TRAPPC11: variants seen among roughly 807,000 people sequenced by gnomAD.
TRAPPC11 encodes the protein trafficking protein particle complex subunit 11.
Under a neutral mutation model 151.2 loss-of-function variants are expected in TRAPPC11, and 104 were observed. The observed-to-expected ratio is 0.69, with a 90% CI of 0.59 to 0.81. TRAPPC11 has a LOEUF of 0.81. Among genes scored for constraint, TRAPPC11 ranks in the 30% least tolerant of loss-of-function variants. TRAPPC11 has a pLI of 0.00. For synonymous variants in TRAPPC11, 456 were observed against 472.3 expected (o/e 0.97, Z 0.45); for missense variants, 1,230 against 1,349.6 (o/e 0.91, Z 1.39).
intron 4 of TRAPPC11, among the ~76,000 whole-genome samples, chr4:183,667,679 G>A (rs1371941659): frequency 1.3e-5 from 2 of 152,140 alleles, no homozygotes; most frequent in African/African-American, 4.8e-5. Context: ...ATCCAAAATG[G>A]TTTTGGAGAC....
chr4:183,708,993 G>GTT (rs112787416), intron 29 of TRAPPC11, among the ~76,000 whole-genome samples: 42,176 of 149,348 alleles, frequency 0.28, 6,554 homozygotes, highest in African/African-American at 0.43. Flanking sequence ...CTGATTTAAT[G>GTT]TTTTTTTTTT....
rs1011600437 is a variant in TRAPPC11 at position 183,713,312 on chromosome 4, G to C, written c.*668G>C. The C allele has an allele frequency of 2.6e-5, 4 of 152,486 alleles. No individual in the cohort carries two copies. Among genetic ancestry groups the C allele is most frequent in the Non-Finnish European group, 5.9e-5 (4 of 68,050 alleles). 9.4% of individuals were successfully genotyped at this position (152,486 alleles called of 1,614,324 possible). On this transcript the variant is annotated 3_prime_UTR_variant, in exon 30 of 30. Coordinates refer to ENST00000334690, the MANE Select transcript of TRAPPC11 (RefSeq NM_021942.6). Reference sequence around the variant, plus strand: ...AAATCCTCATCGGAAAAGATCCAAAGTGCAAGGATTTGATTATAAACATAA... The same window carrying C: ...AAATCCTCATCGGAAAAGATCCAAACTGCAAGGATTTGATTATAAACATAA...
intron 10 of TRAPPC11, among the ~76,000 whole-genome samples, chr4:183,681,871 A>G (rs868246812): frequency 1.3e-5 from 2 of 152,188 alleles, no homozygotes; most frequent in African/African-American, 2.4e-5. Flanking sequence ...ATTTTTGGAG[A>G]TAACTAAGGC....
intron 1 of TRAPPC11, among the ~76,000 whole-genome samples, chr4:183,663,519 C>T (rs1185498411): frequency 1.3e-5 from 2 of 152,130 alleles, no homozygotes; most frequent in Non-Finnish European, 1.5e-5. Flanking sequence ...AGGCGTGAGT[C>T]ACCACGACCA....
At chr4:183,694,747 A>C (rs1736444510) in intron 23 of TRAPPC11, 24 bp downstream of exon 23, 3 of 1,599,652 alleles carry the variant, frequency 1.9e-6, no homozygotes, top group Non-Finnish European at 2.6e-6. Context: ...GCTACTTTAT[A>C]AAGCATCATA....
chr4:183,691,270 G>A lies in TRAPPC11; in HGVS notation c.1894-46G>A, dbSNP rs766338478. 2.1e-6 allele frequency: 3 copies of A among 1,416,270 alleles called. No homozygotes were observed. In the South Asian group the frequency reaches 5.6e-5, roughly 26 times the overall value. The allele number at this position is 1,416,270 out of a possible 1,614,324, so 87.7% of individuals were successfully genotyped here. On this transcript the variant is annotated intron_variant, in intron 18 of 29. Transcript: ENST00000334690. Reference sequence around the variant, plus strand: ...AGCTCCAAAGCACTTGGCATTTAGGGTTAGCAGACATCTGACATTTGATGA... The same window carrying A: ...AGCTCCAAAGCACTTGGCATTTAGGATTAGCAGACATCTGACATTTGATGA...
chr4:183,712,674 C>G lies in TRAPPC11; in HGVS notation c.*30C>G. Reference sequence around the variant, plus strand: ...CAAGACCGGCCCTTGGCTGTTGTTACAGAGATGTTGGGCAGAGCTATGCAG... The same window carrying G: ...CAAGACCGGCCCTTGGCTGTTGTTAGAGAGATGTTGGGCAGAGCTATGCAG... On this transcript the variant is annotated 3_prime_UTR_variant, in exon 30 of 30. Coordinates refer to ENST00000334690, the MANE Select transcript of TRAPPC11 (RefSeq NM_021942.6). 6.2e-7 allele frequency: 1 copy of G among 1,611,916 alleles called. No homozygotes were observed. The highest frequency in any genetic ancestry group is 1.7e-4 in the Middle Eastern group (1 of 6,060).
chr4:183,693,071 C>G lies in TRAPPC11; in HGVS notation c.2161C>G (p.Arg721Gly). The G allele has an allele frequency of 1.2e-6, 2 of 1,613,144 alleles. No individual in the cohort carries two copies. The highest frequency in any genetic ancestry group is 2.2e-5 in the South Asian group (2 of 90,908). Residue 721 changes from arginine (R) to glycine (G), a missense_variant, in exon 20 of 30, where the codon CGG becomes GGG. By Grantham distance (125) the Arg-to-Gly change is moderately radical. Transcript: ENST00000334690. ...CTCCCAAGAAGCCTTACAGGCAGCT[C>G]GGTCTTTCAAAAGGCGACCTAAGCT... ...ASSQEALQAARSFKRRPKLPD... is the reference protein window; with the variant it reads ...ASSQEALQAAGSFKRRPKLPD...
At position 183,693,586 on chromosome 4, in the gene TRAPPC11, AAGGATC is replaced by A; in HGVS notation, c.2238-1_2242del. 6.3e-7 allele frequency: 1 copy of A among 1,593,354 alleles called. No individual in the cohort carries two copies. Among genetic ancestry groups the A allele is most frequent in the Non-Finnish European group, 8.5e-7 (1 of 1,174,580 alleles). ...GTTACTTAGCTAAGGTTTCTTTTCA[AAGGATC>A]ATATCCAGAGTCCCAAACATTTCTG... On this transcript the variant is annotated splice_acceptor_variant and coding_sequence_variant, in exon 21 of 30. Coordinates refer to ENST00000334690, the MANE Select transcript of TRAPPC11 (RefSeq NM_021942.6). LOFTEE classifies it high-confidence loss of function.
In TRAPPC11 at chr4:183,674,813, G is replaced by T. The variant is rs1425459037; in HGVS notation, c.660+1G>T. 1.3e-6 allele frequency: 2 copies of T among 1,563,606 alleles called. No homozygotes were observed. ...ATTTTTGAATAAAACAACACACCAGGTGCGTGATTTTTTGCAATAATAGAA... is the reference window on the plus strand; with the variant it reads ...ATTTTTGAATAAAACAACACACCAGTTGCGTGATTTTTTGCAATAATAGAA... On this transcript the variant is annotated splice_donor_variant, in intron 6 of 29. Coordinates refer to ENST00000334690, the MANE Select transcript of TRAPPC11 (RefSeq NM_021942.6). LOFTEE classifies it high-confidence loss of function.
At chr4:183,663,736 GTTTTT>G in intron 1 of TRAPPC11, 106 bp from the exon 2 acceptor site, 32 of 387,402 alleles carry the variant, frequency 8.3e-5, no homozygotes, top group Admixed American at 1.4e-4. Flanking sequence ...AATATGAGTT[GTTTTT>G]TTTTTTTTTT....
intron 18 of TRAPPC11, 124 bp downstream of exon 18, chr4:183,686,872 A>G: frequency 8.3e-7 from 1 of 1,204,562 alleles, no homozygotes; most frequent in Non-Finnish European, 1.2e-6. Context: ...GAACTTTGGT[A>G]AGGTCTATTC....
In TRAPPC11 at chr4:183,666,304, C is replaced by G; in HGVS notation, c.252C>G (p.Gly84=). The G allele has an allele frequency of 6.2e-7, 1 of 1,614,160 alleles. No individual in the cohort carries two copies. Among genetic ancestry groups the G allele is most frequent in the South Asian group, 1.1e-5 (1 of 91,084 alleles). ...TTCCTAAAGGGATCTTAAAGACTGGCTGGATGAATAAGCATCTGAATCTGG... is the reference window on the plus strand; with the variant it reads ...TTCCTAAAGGGATCTTAAAGACTGGGTGGATGAATAAGCATCTGAATCTGG... The part of the protein sequence containing the change: ...WYIPKGILKT[G]WMNKHLNLVP... The change falls in exon 3 of 30, where the codon GGC becomes GGG. Residue 84 remains glycine (G), a synonymous_variant. Transcript: ENST00000334690.
intron 2 of TRAPPC11, among the ~76,000 whole-genome samples, chr4:183,665,567 C>T (rs561863918): frequency 1.4e-4 from 22 of 152,240 alleles, no homozygotes; most frequent in Admixed American, 6.5e-5. Flanking sequence ...CCTCATCTTT[C>T]CTTGCTGGAG....
chr4:183,697,238 G>A (rs932065778), intron 23 of TRAPPC11, among the ~76,000 whole-genome samples: 1 of 151,954 alleles, frequency 6.6e-6, no homozygotes, highest in Non-Finnish European at 1.5e-5. Flanking sequence ...TTGAGCCCAG[G>A]TGTTCGAGGC....
intron 8 of TRAPPC11, among the ~76,000 whole-genome samples, chr4:183,678,292 A>G (rs1412173464): frequency 2.0e-5 from 3 of 152,222 alleles, no homozygotes; most frequent in Non-Finnish European, 4.4e-5. Context: ...TGTCTATCAC[A>G]GGAATAGGTG....
chr4:183,687,321 A>G (rs1736031170), intron 18 of TRAPPC11, among the ~76,000 whole-genome samples: 1 of 147,340 alleles, frequency 6.8e-6, no homozygotes, highest in South Asian at 2.1e-4. Flanking sequence ...ATATGTACAC[A>G]TATAGTATAT....
intron 23 of TRAPPC11, among the ~76,000 whole-genome samples, chr4:183,695,074 G>A (rs145025327): frequency 0.062 from 9,407 of 150,544 alleles, 355 homozygotes; most frequent in East Asian, 0.13. Context: ...TCAGCCTCCC[G>A]AGTAGCTGGG....
intron 8 of TRAPPC11, 119 bp from the exon 9 acceptor site, chr4:183,679,234 T>A (rs970291569): frequency 8.7e-6 from 9 of 1,031,378 alleles, no homozygotes; most frequent in Non-Finnish European, 1.2e-5. Context: ...TGCAAAGAGC[T>A]TCAGAGAAGG....
Sources: gnomAD v4.1 joint callset for allele counts (sites outside exome capture counted in the v4.1 genomes callset) on GRCh38, gnomAD v4.1.1 for gene constraint, MANE v1.5 for transcripts, NCBI Gene and HGNC (gene_info 2026-07-23, HGNC 2026-07-21) for gene names.